Variants in DLG2 observed in about 807,000 individuals in gnomAD.
DLG2 encodes discs large MAGUK scaffold protein 2.
DLG2 carries 45 observed loss-of-function variants against 132.5 expected under a neutral mutation model. The observed-to-expected ratio is 0.34, with a 90% CI of 0.27 to 0.44. The LOEUF (loss-of-function observed/expected upper bound fraction) is 0.44. Among genes scored for constraint, DLG2 ranks in the 20% least tolerant of loss-of-function variants. DLG2 has a pLI of 1.00. For synonymous variants in DLG2, 424 were observed against 419.6 expected, an observed-to-expected ratio of 1.01 and a Z score of -0.13; for missense variants, 1,045 against 1,196.9, an observed-to-expected ratio of 0.87 and a Z score of 1.87.
chr11:84,546,693 G>T (rs1362488862), intron 6 of DLG2: 1 of 521,716 alleles, frequency 1.9e-6, no homozygotes, highest in Non-Finnish European at 3.7e-6. Flanking sequence ...GGAGCAATTG[G>T]TGTTTGGATA....
chr11:85,191,923 T>C (rs1595237010), intron 4 of DLG2, among the ~76,000 whole-genome samples: 1 of 152,184 alleles, frequency 6.6e-6, no homozygotes, highest in Non-Finnish European at 1.5e-5. Flanking sequence ...GGCTCAGAAG[T>C]GTGAAATAAT....
At position 85,567,758 on chromosome 11, in the gene DLG2, G is replaced by GT. The variant is rs568255688; in HGVS notation, c.40+30898dup. On this transcript the variant is annotated intron_variant, in intron 3 of 27. Transcript: ENST00000376104. ...CTATTAAGTATGATGTTAACTGTGG[G>GT]TTTTTTGCAGATTCCCTTTTGCAGG... Among the ~76,000 whole-genome samples, 20 of 152,124 alleles carry GT rather than the reference G, an allele frequency of 1.3e-4. No individual in the cohort carries two copies. The South Asian group carries it at 4.2e-3, about 32-fold the overall frequency.
chr11:83,793,620 G>A (rs530102295), intron 17 of DLG2, among the ~76,000 whole-genome samples: 3 of 152,220 alleles, frequency 2.0e-5, no homozygotes, highest in East Asian at 1.9e-4. Flanking sequence ...TAGACAAAAC[G>A]GGTTAAATCT....
intron 6 of DLG2, among the ~76,000 whole-genome samples, chr11:84,536,946 T>A (rs2099356937): frequency 6.6e-6 from 1 of 152,138 alleles, no homozygotes. Flanking sequence ...CCGTTTCCCA[T>A]AAATTCTCTA....
chr11:83,916,541 C>A (rs1045670474), intron 15 of DLG2, among the ~76,000 whole-genome samples: 4 of 152,090 alleles, frequency 2.6e-5, no homozygotes, highest in Non-Finnish European at 5.9e-5. Context: ...GTCTCAGACT[C>A]CTGGCCTCAA....
At chr11:84,133,119 G>T (rs149481855) in intron 9 of DLG2, among the ~76,000 whole-genome samples, 23 of 152,030 alleles carry the variant, frequency 1.5e-4, no homozygotes, top group Non-Finnish European at 3.2e-4. Context: ...CTGTAGCATA[G>T]GCAACCAGAC....
intron 6 of DLG2, among the ~76,000 whole-genome samples, chr11:84,904,920 T>C (rs1267777275): frequency 1.3e-5 from 2 of 152,180 alleles, no homozygotes; most frequent in Admixed American, 6.5e-5. Flanking sequence ...TGGCTTGACC[T>C]GAATTTTTTG....
intron 18 of DLG2, among the ~76,000 whole-genome samples, chr11:83,641,474 C>T (rs962939770): frequency 6.6e-6 from 1 of 152,058 alleles, no homozygotes; most frequent in African/African-American, 2.4e-5. Flanking sequence ...TCTAGTTTTC[C>T]TGGGATTTCA....
chr11:84,927,409 T>A (rs1020045142), intron 6 of DLG2, among the ~76,000 whole-genome samples: 4 of 151,974 alleles, frequency 2.6e-5, no homozygotes, highest in Non-Finnish European at 5.9e-5. Context: ...GCCAATTAAG[T>A]CAGAATTTCT....
chr11:83,880,472 T>A lies in DLG2; in HGVS notation c.1497-5984A>T, dbSNP rs138015891. On this transcript the variant is annotated intron_variant, in intron 15 of 27. Transcript: ENST00000376104. ...GACACTTTGATTCCAGTGATCTGGC[T>A]GGGTAGGCATTTCTCCTCCTGAAAG... Among the ~76,000 whole-genome samples, 869 of 152,320 alleles carry A rather than the reference T, an allele frequency of 5.7e-3. 7 individuals carry two copies. The highest frequency in any genetic ancestry group is 0.02 in the African/African-American group (823 of 41,570).
intron 7 of DLG2, among the ~76,000 whole-genome samples, chr11:84,325,945 A>T (rs1344889228): frequency 6.6e-6 from 1 of 152,034 alleles, no homozygotes; most frequent in African/African-American, 2.4e-5. Flanking sequence ...GGTCTATATA[A>T]ATTTTTTATT....
intron 6 of DLG2, among the ~76,000 whole-genome samples, chr11:84,859,764 T>C (rs901396029): frequency 5.3e-5 from 8 of 151,828 alleles, no homozygotes; most frequent in Non-Finnish European, 7.4e-5. Flanking sequence ...CTCAGCACCA[T>C]ATAATTTAAC....
chr11:84,361,637 C>A (rs1422755102), intron 7 of DLG2, among the ~76,000 whole-genome samples: 1 of 151,868 alleles, frequency 6.6e-6, no homozygotes. Flanking sequence ...AAATGAAGAA[C>A]ATCAGAAATG....
rs140725529 is a variant in DLG2, at chr11:83,461,289, G to A, written c.2821+713C>T. Reference sequence around the variant, plus strand: ...GCCTCCCAAAGTGCTGGGATTAGAGGCATAAGCCCAGCTCGAAAGTTCTTG... The same window carrying A: ...GCCTCCCAAAGTGCTGGGATTAGAGACATAAGCCCAGCTCGAAAGTTCTTG... On this transcript the variant is annotated intron_variant, in intron 27 of 27. Coordinates refer to ENST00000376104, the MANE Select transcript of DLG2 (RefSeq NM_001142699.3). 3.9e-4 allele frequency among the ~76,000 whole-genome samples: 60 copies of A among 152,122 alleles called. 1 individual carries two copies. The East Asian group carries it at 0.011, about 27-fold the overall frequency.
In DLG2 at chr11:83,848,321, A is replaced by T. The variant is rs145149093; in HGVS notation, c.1566-14551T>A. Among the ~76,000 whole-genome samples the T allele has an allele frequency of 1.2e-4, 19 of 152,208 alleles. No homozygotes were observed. In the East Asian group the frequency reaches 3.7e-3, roughly 29 times the overall value. The stretch of plus-strand genomic sequence containing the variant: ...GTACAGATTAGTGCCTGGTACAGAT[A>T]TTTTTTGAATAAATTAATAAATAGG... On this transcript the variant is annotated intron_variant, in intron 16 of 27. Transcript: ENST00000376104.
Position 84,006,434 on chromosome 11 carries a change from G to C in DLG2, c.920-25792C>G, listed in dbSNP as rs908700434. The stretch of plus-strand genomic sequence containing the variant: ...TGTACATTTCAAAGTAGCTAGAAGA[G>C]AGGACTTGAATTGTTCCCAACACAC... On this transcript the variant is annotated intron_variant, in intron 11 of 27. Transcript: ENST00000376104. Among the ~76,000 whole-genome samples the C allele has an allele frequency of 2.0e-5, 3 of 151,452 alleles. No homozygotes were observed. The East Asian group carries it at 5.8e-4, about 29-fold the overall frequency.
At chr11:84,606,629 T>C (rs897137061) in intron 6 of DLG2, among the ~76,000 whole-genome samples, 18 of 152,162 alleles carry the variant, frequency 1.2e-4, no homozygotes, top group Admixed American at 5.9e-4. Context: ...TGAAACTGTC[T>C]AAATTCCTTT....
intron 21 of DLG2, among the ~76,000 whole-genome samples, chr11:83,494,646 A>T (rs1286811452): frequency 6.6e-6 from 1 of 151,490 alleles, no homozygotes; most frequent in African/African-American, 2.4e-5. Flanking sequence ...GACTGCAGAG[A>T]CACCCAGTTC....
chr11:85,085,952 C>A (rs349068), intron 6 of DLG2, among the ~76,000 whole-genome samples: 1 of 151,844 alleles, frequency 6.6e-6, no homozygotes, highest in Non-Finnish European at 1.5e-5. Flanking sequence ...CTATGTCTAT[C>A]CTAAGTGGTT....
Sources: allele counts gnomAD v4.1 joint callset (sites outside exome capture counted in the v4.1 genomes callset), GRCh38; gene constraint gnomAD v4.1.1; transcripts MANE v1.5; gene names NCBI Gene and HGNC (gene_info 2026-07-23, HGNC 2026-07-21).